The following GBF1 variants were observed in gnomAD, a reference collection of about 807,000 sequenced individuals.
The protein encoded by GBF1 is golgi brefeldin A resistant guanine nucleotide exchange factor 1, also known as Golgi-specific brefeldin A-resistance guanine nucleotide exchange factor 1.
In GBF1, 114 loss-of-function variants were observed where a neutral mutation model predicts 210.5. The ratio of observed to expected loss-of-function variants is 0.54; its 90% confidence interval spans 0.47 to 0.63. The LOEUF (loss-of-function observed/expected upper bound fraction) is 0.63, where lower values mean the gene tolerates loss of function less well. GBF1 is among the 30% of genes least tolerant of loss of function. The pLI is 0.00. For synonymous variants in GBF1, 850 were observed against 889.2 expected, an observed-to-expected ratio of 0.96 and a Z score of 0.78; for missense variants, 1,851 against 2,357.7, an observed-to-expected ratio of 0.79 and a Z score of 4.45.
At chr10:102,259,061 G>C in intron 2 of GBF1, 27 bp downstream of exon 2, 2 of 1,188,718 alleles carry the variant, frequency 1.7e-6, no homozygotes, top group East Asian at 4.7e-5. Flanking sequence ...TAAATAGCCT[G>C]GTCACTAAGT....
At chr10:102,336,299 CAAAAAAA>C (rs566414701) in intron 3 of GBF1, among the ~76,000 whole-genome samples, 1 of 49,062 alleles carries the variant, frequency 2.0e-5, no homozygotes, top group Non-Finnish European at 4.4e-5. Flanking sequence ...GACTTTGTCT[CAAAAAAA>C]AAAAAAAAGA....
chr10:102,271,897 GC>G (rs2133305657), intron 3 of GBF1, among the ~76,000 whole-genome samples: 1 of 151,652 alleles, frequency 6.6e-6, no homozygotes, highest in East Asian at 2.0e-4. Context: ...GACTACAGGT[GC>G]ATGCCATCAT....
intron 3 of GBF1, among the ~76,000 whole-genome samples, chr10:102,335,744 G>T (rs1182370921): frequency 1.3e-5 from 2 of 152,120 alleles, no homozygotes; most frequent in African/African-American, 4.8e-5. Flanking sequence ...AAGAGTGAAG[G>T]TATGTAAAGT....
Position 102,366,476 on chromosome 10 carries a change from G to A in GBF1, c.2403G>A (p.Arg801=). ...RLPGEAPVIQ[R]LLEAFTERWM... ...CTGGGGAAGCACCAGTCATCCAGAGGTTGCTGGAGGCATTCACAGAGCGTT... is the reference window on the plus strand; with the variant it reads ...CTGGGGAAGCACCAGTCATCCAGAGATTGCTGGAGGCATTCACAGAGCGTT... The change falls in exon 19 of 40, where the codon AGG becomes AGA. Residue 801 remains arginine (R), a synonymous_variant. Transcript: ENST00000369983. The surrounding 1 kb of genome is among the most constrained non-coding windows in gnomAD (Gnocchi z 4.0). 1.2e-6 allele frequency: 2 copies of A among 1,614,034 alleles called. No individual in the cohort carries two copies. The highest frequency in any genetic ancestry group is 1.7e-6 in the Non-Finnish European group (2 of 1,179,914).
chr10:102,364,217 C>CTTTTTTTTTTTT (rs1031275118), intron 17 of GBF1, among the ~76,000 whole-genome samples: 4 of 66,940 alleles, frequency 6.0e-5, no homozygotes, highest in Non-Finnish European at 8.4e-5. Context: ...CTTTGGATTT[C>CTTTTTTTTTTTT]TTTTTTTTTT....
intron 3 of GBF1, among the ~76,000 whole-genome samples, chr10:102,274,396 T>G (rs1171103892): frequency 2.6e-5 from 4 of 152,024 alleles, no homozygotes; most frequent in Admixed American, 1.3e-4. Context: ...GGCAGCTTCA[T>G]TAGCTGCTTT....
At chr10:102,352,740 G>A (rs1313525616) in intron 7 of GBF1, among the ~76,000 whole-genome samples, 3 of 152,176 alleles carry the variant, frequency 2.0e-5, no homozygotes, top group Non-Finnish European at 2.9e-5. Context: ...TTTAATATAG[G>A]CCAGCAGACC....
chr10:102,247,289 TGTGTTGG>T (rs1034405035), intron 1 of GBF1, among the ~76,000 whole-genome samples: 1 of 152,224 alleles, frequency 6.6e-6, no homozygotes, highest in Non-Finnish European at 1.5e-5. Flanking sequence ...AATTTTTGTG[TGTGTTGG>T]GAGAAGGGGG....
At chr10:102,256,165 G>A (rs146207287) in intron 1 of GBF1, among the ~76,000 whole-genome samples, 49 of 152,186 alleles carry the variant, frequency 3.2e-4, no homozygotes, top group African/African-American at 1.1e-3. Flanking sequence ...GGCTGGTCTC[G>A]AACTCCTGGG....
the GBF1 span, among the ~76,000 whole-genome samples, chr10:102,236,285 G>A: frequency 6.6e-6 from 1 of 152,238 alleles, no homozygotes; most frequent in South Asian, 2.1e-4. Flanking sequence ...AGAACAAGCA[G>A]TAGGTCTGGA....
intron 4 of GBF1, among the ~76,000 whole-genome samples, chr10:102,345,188 A>G (rs893874890): frequency 2.6e-5 from 4 of 151,460 alleles, no homozygotes. Context: ...AGGCTGAGGC[A>G]GGTGAATCGC....
intron 3 of GBF1, among the ~76,000 whole-genome samples, chr10:102,314,399 G>C (rs946154795): frequency 1.6e-4 from 25 of 151,996 alleles, no homozygotes; most frequent in African/African-American, 5.8e-4. Flanking sequence ...CTCCCGCCTA[G>C]GCCTCCCAAA....
the GBF1 span, among the ~76,000 whole-genome samples, chr10:102,231,416 C>A: frequency 6.6e-6 from 1 of 151,686 alleles, no homozygotes. Context: ...GCAGTGGGAG[C>A]AGAGGCTGGA....
intron 17 of GBF1, among the ~76,000 whole-genome samples, chr10:102,364,356 C>G (rs546133546): frequency 7.3e-5 from 11 of 150,150 alleles, no homozygotes; most frequent in Admixed American, 2.0e-4. Context: ...TCCCAAGTAG[C>G]TGGGACTACA....
chr10:102,332,150 G>A (rs1245737248), intron 3 of GBF1, among the ~76,000 whole-genome samples: 1 of 151,300 alleles, frequency 6.6e-6, no homozygotes, highest in Non-Finnish European at 1.5e-5. Context: ...GTGAGCCACC[G>A]CACCCAGCCT....
In GBF1 at chr10:102,379,894, C is replaced by T. The variant is rs1243209259; in HGVS notation, c.4818C>T (p.Ser1606=). 4.3e-6 allele frequency: 7 copies of T among 1,613,810 alleles called. No individual in the cohort carries two copies. Among genetic ancestry groups the T allele is most frequent in the South Asian group, 1.1e-5 (1 of 91,028 alleles). Residue 1606 remains serine, a synonymous_variant, in exon 36 of 40, where the codon AGC becomes AGT. Transcript: ENST00000369983. ...TTACCAAGCTCTTGGAGAACATCAG[C>T]CCTGCAGATGTGGGTGGGATGGAGG... ...PLLTKLLENI[S]PADVGGMEET...
intron 3 of GBF1, among the ~76,000 whole-genome samples, chr10:102,302,858 A>G (rs1239261662): frequency 6.6e-6 from 1 of 152,190 alleles, no homozygotes; most frequent in Non-Finnish European, 1.5e-5. Flanking sequence ...GACAGCCCCC[A>G]TGATGAAGAA....
chr10:102,276,570 A>T (rs2074998551), intron 3 of GBF1, among the ~76,000 whole-genome samples: 1 of 151,616 alleles, frequency 6.6e-6, no homozygotes, highest in African/African-American at 2.4e-5. Context: ...AGGTTCTATA[A>T]GGAAGAAAAT....
intron 3 of GBF1, among the ~76,000 whole-genome samples, chr10:102,287,263 G>A (rs531908890): frequency 1.9e-4 from 28 of 150,842 alleles, no homozygotes; most frequent in African/African-American, 6.6e-4. Context: ...CTATTGCTGG[G>A]TAGCAAATTA....
Sources: gnomAD v4.1 joint callset for allele counts (sites outside exome capture counted in the v4.1 genomes callset) on GRCh38, gnomAD v4.1.1 for gene constraint, Gnocchi (gnomAD v3.1) non-coding constraint, MANE v1.5 for transcripts, NCBI Gene and HGNC (gene_info 2026-07-23, HGNC 2026-07-21) for gene names.